LPP: variants seen among roughly 807,000 people sequenced by gnomAD.
LPP encodes the protein LIM domain containing preferred translocation partner in lipoma, also known as lipoma-preferred partner.
A neutral mutation model predicts 60.4 loss-of-function variants in LPP; 38 were observed. That is an observed-to-expected ratio of 0.63 (90% CI 0.49 to 0.83). LPP has a LOEUF of 0.83. Among genes scored for constraint, LPP ranks in the 40% least tolerant of loss-of-function variants. LPP has a pLI of 0.00. For synonymous variants in LPP, 328 were observed against 290.8 expected, an observed-to-expected ratio of 1.13 and a Z score of -1.30; for missense variants, 902 against 783.6, an observed-to-expected ratio of 1.15 and a Z score of -1.80.
intron 8 of LPP, chr3:188,746,380 A>T (rs1315406033): frequency 2.2e-6 from 1 of 456,852 alleles, no homozygotes; most frequent in Admixed American, 2.4e-5. Flanking sequence ...GATGAAAGGA[A>T]CAATCTACAG....
At chr3:188,195,740 G>A (rs992005238) in intron 1 of LPP, among the ~76,000 whole-genome samples, 9 of 152,108 alleles carry the variant, frequency 5.9e-5, no homozygotes, top group African/African-American at 1.7e-4. Flanking sequence ...TAATATTTTG[G>A]ATATATTGGG....
At chr3:188,249,390 C>T (rs950746907) in intron 2 of LPP, among the ~76,000 whole-genome samples, 1 of 151,474 alleles carries the variant, frequency 6.6e-6, no homozygotes, top group Admixed American at 6.6e-5. Flanking sequence ...TCAAGGCTGC[C>T]GTGAGCTGAG....
At chr3:188,700,743 T>C (rs549683128) in intron 7 of LPP, among the ~76,000 whole-genome samples, 10 of 152,310 alleles carry the variant, frequency 6.6e-5, no homozygotes, top group Admixed American at 5.9e-4. Flanking sequence ...CTGGCTTAAG[T>C]CCTCTCATAA....
intron 9 of LPP, among the ~76,000 whole-genome samples, chr3:188,819,690 C>T (rs1273980295): frequency 3.3e-5 from 5 of 152,044 alleles, no homozygotes; most frequent in African/African-American, 1.2e-4. Flanking sequence ...AGGTGAGCTT[C>T]AGCCAGGGAT....
intron 7 of LPP, among the ~76,000 whole-genome samples, chr3:188,637,539 C>T (rs1849078008): frequency 6.7e-6 from 1 of 149,684 alleles, no homozygotes; most frequent in Non-Finnish European, 1.5e-5. Flanking sequence ...GAAATAGATA[C>T]ATAAAAAACC....
At chr3:188,242,885 G>A (rs1326117508) in intron 2 of LPP, among the ~76,000 whole-genome samples, 1 of 152,200 alleles carries the variant, frequency 6.6e-6, no homozygotes, top group Non-Finnish European at 1.5e-5. Context: ...GATTATGTAA[G>A]TTTGAGGCAT....
chr3:188,536,396 T>C (rs1435048185), intron 6 of LPP, among the ~76,000 whole-genome samples: 2 of 152,216 alleles, frequency 1.3e-5, no homozygotes, highest in African/African-American at 4.8e-5. Flanking sequence ...TTCCTTCCTT[T>C]ACCAATTTAT....
At chr3:188,669,304 T>C (rs938354846) in intron 7 of LPP, among the ~76,000 whole-genome samples, 10 of 152,104 alleles carry the variant, frequency 6.6e-5, no homozygotes, top group African/African-American at 9.7e-5. Flanking sequence ...GGGCCGGGCA[T>C]GATGGCTCAC....
chr3:188,350,954 C>G (rs367549940), intron 3 of LPP, among the ~76,000 whole-genome samples: 6 of 152,162 alleles, frequency 3.9e-5, no homozygotes, highest in Non-Finnish European at 7.3e-5. Context: ...GGAACCAGCA[C>G]GTACCCCTTC....
intron 2 of LPP, among the ~76,000 whole-genome samples, chr3:188,229,132 G>T (rs932043844): frequency 1.3e-5 from 2 of 152,264 alleles, no homozygotes; most frequent in East Asian, 1.9e-4. Context: ...AATTGAAATA[G>T]AATTATGTAT....
intron 9 of LPP, among the ~76,000 whole-genome samples, chr3:188,775,126 C>G (rs1737332518): frequency 6.7e-6 from 1 of 150,130 alleles, no homozygotes; most frequent in Admixed American, 6.7e-5. Flanking sequence ...AATCTTGGCT[C>G]ACTGCAGCCT....
At position 188,509,525 on chromosome 3, in the gene LPP, G is replaced by A. The variant is rs1445210798; in HGVS notation, c.307-15140G>A. ...AGTAGAGACTGTAAACTCGGCTTAA[G>A]TGGACCCGTCCCATAAAGAAAAACA... is the stretch of plus-strand genomic sequence containing the variant. On this transcript the variant is annotated intron_variant, in intron 5 of 11. Transcript: ENST00000617246. Among the ~76,000 whole-genome samples the A allele has an allele frequency of 5.3e-5, 8 of 152,162 alleles. No homozygotes were observed. In the East Asian group the frequency reaches 1.5e-3, roughly 29 times the overall value.
Position 188,733,290 on chromosome 3 carries a change from CGTGTGT to C in LPP, c.1240+24920_1240+24925del, listed in dbSNP as rs10576864. On this transcript the variant is annotated intron_variant, in intron 8 of 11. Coordinates refer to ENST00000617246, the MANE Select transcript of LPP (RefSeq NM_001375462.1). Reference sequence around the variant, plus strand: ...GAATCTTACTTTACTTCACCAAAAACGTGTGTGTGTGTGTGTGTGTGTGTGTGTACA... The same window carrying C: ...GAATCTTACTTTACTTCACCAAAAACGTGTGTGTGTGTGTGTGTGTGTACA... 5.1e-4 allele frequency among the ~76,000 whole-genome samples: 75 copies of C among 147,178 alleles called. No homozygotes were observed. The East Asian group carries it at 5.6e-3, about 11-fold the overall frequency.
At chr3:188,357,057 G>C (rs980372080) in intron 3 of LPP, among the ~76,000 whole-genome samples, 1 of 152,128 alleles carries the variant, frequency 6.6e-6, no homozygotes, top group African/African-American at 2.4e-5. Context: ...CCACCACCAT[G>C]GTTCTCTTCG....
At chr3:188,485,572 C>T (rs922710323) in intron 5 of LPP, among the ~76,000 whole-genome samples, 59 of 151,762 alleles carry the variant, frequency 3.9e-4, no homozygotes, top group African/African-American at 1.3e-3. Flanking sequence ...CCGAGGCGGG[C>T]GGATCACGAG....
chr3:188,773,652 G>A (rs1481722846), intron 9 of LPP, among the ~76,000 whole-genome samples: 5 of 152,120 alleles, frequency 3.3e-5, no homozygotes, highest in South Asian at 4.1e-4. Context: ...CTCATGGGAC[G>A]TGTTAGTAAA....
At chr3:188,307,307 G>A (rs1328823333) in intron 2 of LPP, among the ~76,000 whole-genome samples, 2 of 152,172 alleles carry the variant, frequency 1.3e-5, no homozygotes, top group African/African-American at 2.4e-5. Context: ...CTGGTGGTAT[G>A]TTAGAATGAT....
chr3:188,690,538 G>T (rs532583204), intron 7 of LPP, among the ~76,000 whole-genome samples: 187 of 152,246 alleles, frequency 1.2e-3, no homozygotes, highest in Admixed American at 2.0e-3. Flanking sequence ...AATGGATACG[G>T]TGCCCTAATT....
At chr3:188,561,295 G>C (rs1447242626) in intron 6 of LPP, among the ~76,000 whole-genome samples, 1 of 152,002 alleles carries the variant, frequency 6.6e-6, no homozygotes, top group Non-Finnish European at 1.5e-5. Flanking sequence ...TAAAAAACGT[G>C]GCCATTGAGA....
Sources: allele counts gnomAD v4.1 joint callset (sites outside exome capture counted in the v4.1 genomes callset), GRCh38; gene constraint gnomAD v4.1.1; transcripts MANE v1.5; gene names NCBI Gene and HGNC (gene_info 2026-07-23, HGNC 2026-07-21).